KCNMB2: variants seen among roughly 807,000 people sequenced by gnomAD.
KCNMB2 encodes calcium-activated potassium channel subunit beta-2.
KCNMB2 carries 9 observed loss-of-function variants against 24.5 expected under a neutral mutation model. That is an observed-to-expected ratio of 0.37 (90% CI 0.22 to 0.64). The LOEUF is 0.64. Ranked by LOEUF, KCNMB2 falls within the 30% of genes least tolerant of loss-of-function variation. KCNMB2 has a pLI of 0.63. For synonymous variants in KCNMB2, 109 were observed against 104.4 expected (o/e 1.04, Z -0.27); for missense variants, 226 against 284.3 (o/e 0.79, Z 1.47).
intron 1 of KCNMB2, among the ~76,000 whole-genome samples, chr3:178,761,117 G>T (rs1345563480): frequency 2.0e-5 from 3 of 152,014 alleles, no homozygotes; most frequent in Non-Finnish European, 4.4e-5. Flanking sequence ...CAGTTTCTCC[G>T]AGTCTGCACT....
At chr3:178,677,797 A>T (rs1721119607) in intron 1 of KCNMB2, among the ~76,000 whole-genome samples, 1 of 152,190 alleles carries the variant, frequency 6.6e-6, no homozygotes, top group Non-Finnish European at 1.5e-5. Context: ...GAAGGATGGG[A>T]CAGGAATTTA....
chr3:178,717,889 AC>A, intron 1 of KCNMB2, among the ~76,000 whole-genome samples: 1 of 142,964 alleles, frequency 7.0e-6, no homozygotes, highest in African/African-American at 2.7e-5. Context: ...TACTTTCTTT[AC>A]AAAAAAAAAA....
At chr3:178,539,660 T>C (rs1715547605) in intron 1 of KCNMB2, among the ~76,000 whole-genome samples, 2 of 152,130 alleles carry the variant, frequency 1.3e-5, no homozygotes, top group African/African-American at 4.8e-5. Flanking sequence ...AACAGCATTA[T>C]CCTTTTTCAG....
At chr3:178,604,441 G>T (rs961794050) in intron 1 of KCNMB2, among the ~76,000 whole-genome samples, 2 of 149,660 alleles carry the variant, frequency 1.3e-5, no homozygotes, top group African/African-American at 2.5e-5. Context: ...CCAGAACCAT[G>T]AATATTTTAT....
chr3:178,645,451 G>A (rs1483975872), intron 1 of KCNMB2, among the ~76,000 whole-genome samples: 1 of 152,060 alleles, frequency 6.6e-6, no homozygotes, highest in Non-Finnish European at 1.5e-5. Context: ...TCATTTCTTT[G>A]GCAGGGGAAA....
At chr3:178,603,746 T>C (rs1388304009) in intron 1 of KCNMB2, among the ~76,000 whole-genome samples, 1 of 152,190 alleles carries the variant, frequency 6.6e-6, no homozygotes, top group Non-Finnish European at 1.5e-5. Flanking sequence ...TACTGTATTC[T>C]AGGCAGTGGA....
At chr3:178,761,207 G>A (rs1293155978) in intron 1 of KCNMB2, among the ~76,000 whole-genome samples, 3 of 152,172 alleles carry the variant, frequency 2.0e-5, no homozygotes, top group Non-Finnish European at 4.4e-5. Context: ...ATGAATCATA[G>A]TGAGTGACAT....
chr3:178,643,253 T>C (rs1053809448), intron 1 of KCNMB2, among the ~76,000 whole-genome samples: 1 of 152,120 alleles, frequency 6.6e-6, no homozygotes, highest in African/African-American at 2.4e-5. Flanking sequence ...GGGTTAGGGA[T>C]CATAGTGGAA....
At chr3:178,652,605 CCT>C (rs1344535792) in intron 1 of KCNMB2, among the ~76,000 whole-genome samples, 2 of 150,872 alleles carry the variant, frequency 1.3e-5, no homozygotes, top group Non-Finnish European at 3.0e-5. Context: ...GGTAATTTCC[CCT>C]CTTTGCTCCT....
chr3:178,691,099 C>G (rs1476222255), intron 1 of KCNMB2, among the ~76,000 whole-genome samples: 1 of 74,198 alleles, frequency 1.3e-5, no homozygotes, highest in East Asian at 3.3e-4. Flanking sequence ...CATAATTCCC[C>G]ATTAAGTCTT....
At chr3:178,668,630 T>G (rs1720799134) in intron 1 of KCNMB2, among the ~76,000 whole-genome samples, 1 of 152,128 alleles carries the variant, frequency 6.6e-6, no homozygotes, top group South Asian at 2.1e-4. Context: ...TACGGATCTG[T>G]GCATCGATCT....
intron 1 of KCNMB2, among the ~76,000 whole-genome samples, chr3:178,627,598 A>G (rs1719167440): frequency 6.6e-6 from 1 of 152,174 alleles, no homozygotes; most frequent in South Asian, 2.1e-4. Context: ...CACCTTCTCA[A>G]CTTTGTCCCT....
intron 1 of KCNMB2, among the ~76,000 whole-genome samples, chr3:178,709,743 T>C (rs1301636973): frequency 6.6e-6 from 1 of 152,170 alleles, no homozygotes; most frequent in Non-Finnish European, 1.5e-5. Context: ...AATTAACACA[T>C]TAAGACACCA....
At chr3:178,569,553 T>C (rs1489668789) in intron 1 of KCNMB2, among the ~76,000 whole-genome samples, 2 of 152,176 alleles carry the variant, frequency 1.3e-5, no homozygotes, top group African/African-American at 4.8e-5. Context: ...TGAGCCTCCA[T>C]AGTACTGTAG....
intron 1 of KCNMB2, among the ~76,000 whole-genome samples, chr3:178,552,293 G>A (rs1715982386): frequency 6.6e-6 from 1 of 152,058 alleles, no homozygotes; most frequent in Admixed American, 6.6e-5. Flanking sequence ...AGCAAAGAAG[G>A]AAAATGTTTC....
At chr3:178,567,252 T>C (rs1021970142) in intron 1 of KCNMB2, among the ~76,000 whole-genome samples, 3 of 152,088 alleles carry the variant, frequency 2.0e-5, no homozygotes, top group African/African-American at 7.2e-5. Context: ...TGTGTGTGTC[T>C]AAATAGCTCA....
chr3:178,637,975 A>G (rs1456538018), intron 1 of KCNMB2, among the ~76,000 whole-genome samples: 1 of 152,056 alleles, frequency 6.6e-6, no homozygotes, highest in Non-Finnish European at 1.5e-5. Flanking sequence ...CAGCTTTCAG[A>G]TTTACTAAAC....
chr3:178,831,915 A>G (rs993394797), intron 4 of KCNMB2, among the ~76,000 whole-genome samples: 1 of 152,182 alleles, frequency 6.6e-6, no homozygotes, highest in Non-Finnish European at 1.5e-5. Flanking sequence ...TGCAATCTTG[A>G]CTAATCAAAG....
intron 1 of KCNMB2, among the ~76,000 whole-genome samples, chr3:178,662,236 T>C (rs1720557365): frequency 6.6e-6 from 1 of 152,204 alleles, no homozygotes. Context: ...GCTAAACTGT[T>C]TTCTTTGCAA....
Sources: gnomAD v4.1 joint callset for allele counts (sites outside exome capture counted in the v4.1 genomes callset) on GRCh38, gnomAD v4.1.1 for gene constraint, MANE v1.5 for transcripts, NCBI Gene and HGNC (gene_info 2026-07-23, HGNC 2026-07-21) for gene names.